Variants in LBH observed in about 807,000 individuals in gnomAD.
LBH encodes LBH regulator of Wnt signaling pathway, also known as protein LBH.
Under a neutral mutation model 12.5 loss-of-function variants are expected in LBH, and 7 were observed. The observed-to-expected ratio is 0.56, with a 90% CI of 0.32 to 1.05. LBH has a LOEUF of 1.05. Among genes scored for constraint, LBH ranks in the 50% least tolerant of loss-of-function variants. The pLI, the probability that LBH is intolerant of heterozygous loss-of-function variation, is 0.04. For missense variants in LBH, 119 were observed against 138.9 expected (o/e 0.86, Z 0.72); for synonymous variants, 51 against 50.1 (o/e 1.02, Z -0.08).
chr2:30,255,573 C>T (rs1484819423), intron 2 of LBH, among the ~76,000 whole-genome samples: 1 of 152,158 alleles, frequency 6.6e-6, no homozygotes, highest in Non-Finnish European at 1.5e-5. Context: ...GGTTAATAAT[C>T]ACTCGTTTGC....
chr2:30,235,441 C>G (rs905551451), intron 2 of LBH, among the ~76,000 whole-genome samples: 2 of 152,286 alleles, frequency 1.3e-5, no homozygotes, highest in African/African-American at 4.8e-5. Context: ...GGTATGCCCA[C>G]TGCACGCCAA....
At position 30,257,945 on chromosome 2, in the gene LBH, G is replaced by A. The variant is rs925039397; in HGVS notation, c.*324G>A. The A allele has an allele frequency of 1.5e-5, 3 of 205,304 alleles. No individual in the cohort carries two copies. Among genetic ancestry groups the A allele is most frequent in the African/African-American group, 7.0e-5 (3 of 42,652 alleles). 12.7% of individuals were successfully genotyped at this position (205,304 alleles called of 1,614,324 possible). A position where few individuals can be genotyped will look rare whatever the true frequency, so the allele number is the denominator to read the frequency against. ...ATCTGAACTCAGGCAGCCTAGTAGA[G>A]GCAGTGGTGGGATTCCAATGGGTCT... On this transcript the variant is annotated 3_prime_UTR_variant, in exon 3 of 3. Coordinates refer to ENST00000395323, the MANE Select transcript of LBH (RefSeq NM_030915.4).
rs768506695 is a variant in LBH at position 30,257,625 on chromosome 2, C to T, written c.*4C>T. ...GAAAGAAAATAAAGAGCAGTAGAGT[C>T]CCTGTGGACTCCCATGGGTCATACC... is the stretch of plus-strand genomic sequence containing the variant. On this transcript the variant is annotated 3_prime_UTR_variant, in exon 3 of 3. Coordinates refer to ENST00000395323, the MANE Select transcript of LBH (RefSeq NM_030915.4). 3.8e-6 allele frequency: 6 copies of T among 1,598,910 alleles called. No homozygotes were observed. The South Asian group carries it at 6.7e-5, about 18-fold the overall frequency.
chr2:30,231,649 C>A lies in LBH; in HGVS notation c.-90C>A. 2 of 1,339,662 alleles carry A rather than the reference C, an allele frequency of 1.5e-6. No homozygotes were observed. The highest frequency in any genetic ancestry group is 1.2e-5 in the South Asian group (1 of 82,624). 83.0% of individuals were successfully genotyped at this position (1,339,662 alleles called of 1,614,324 possible). A position where few individuals can be genotyped will look rare whatever the true frequency, so the allele number is the denominator to read the frequency against. ...CCGGTGTCCGCACTCGGCCGCCTGC[C>A]GTGCCCGTCTGCGCCCGTGTCATCC... is the stretch of plus-strand genomic sequence containing the variant. On this transcript the variant is annotated 5_prime_UTR_variant, in exon 1 of 3. Coordinates refer to ENST00000395323, the MANE Select transcript of LBH (RefSeq NM_030915.4).
chr2:30,257,790 C>CATTTT lies in LBH; in HGVS notation c.*169_*170insATTTT. ...AGTTGGTTTTCTTTTCTTTTCTTGC[C>CATTTT]TTTTTTTTTTTTTGAAATTTGCCGA... On this transcript the variant is annotated 3_prime_UTR_variant, in exon 3 of 3. Coordinates refer to ENST00000395323, the MANE Select transcript of LBH (RefSeq NM_030915.4). 1 of 400,780 alleles carries CATTTT rather than the reference C, an allele frequency of 2.5e-6. No homozygotes were observed. The highest frequency in any genetic ancestry group is 4.3e-5 in the East Asian group (1 of 23,014). The allele number at this position is 400,780 out of a possible 1,614,324, so 24.8% of individuals were successfully genotyped here.
chr2:30,241,545 C>T (rs1356368177), intron 2 of LBH, among the ~76,000 whole-genome samples: 36 of 150,054 alleles, frequency 2.4e-4, no homozygotes, highest in African/African-American at 8.3e-4. Flanking sequence ...CTGCAACCTC[C>T]GCCTCCCAGG....
At chr2:30,255,237 A>G (rs563299950) in intron 2 of LBH, among the ~76,000 whole-genome samples, 2 of 152,330 alleles carry the variant, frequency 1.3e-5, no homozygotes, top group East Asian at 3.9e-4. Flanking sequence ...CTCACAGCCC[A>G]TGGGGGGCTC....
Position 30,257,487 on chromosome 2 carries a change from C to T in LBH, c.184C>T (p.Pro62Ser). The T allele has an allele frequency of 6.2e-7, 1 of 1,614,218 alleles. No homozygotes were observed. Among genetic ancestry groups the T allele is most frequent in the Non-Finnish European group, 8.5e-7 (1 of 1,180,016 alleles). ...DRCCKLKDRL[P>S]SIVVEPTEGE... Reference sequence around the variant, plus strand: ...CTGCTGCAAACTGAAGGACCGTCTGCCCTCCATAGTGGTGGAACCCACAGA... The same window carrying T: ...CTGCTGCAAACTGAAGGACCGTCTGTCCTCCATAGTGGTGGAACCCACAGA... The change falls in exon 3 of 3, where the codon CCC (proline) becomes TCC (serine). Residue 62 changes from proline (P) to serine (S), a missense_variant. Physicochemically the swap from Pro to Ser is moderately conservative, Grantham distance 74 (BLOSUM62 -1). Coordinates refer to ENST00000395323, the MANE Select transcript of LBH (RefSeq NM_030915.4).
intron 2 of LBH, among the ~76,000 whole-genome samples, chr2:30,240,177 G>T (rs993262353): frequency 6.6e-6 from 1 of 152,186 alleles, no homozygotes; most frequent in Non-Finnish European, 1.5e-5. Flanking sequence ...AATGAGCCTG[G>T]ATGATGGATT....
chr2:30,257,671 CTG>C lies in LBH; in HGVS notation c.*54_*55del, dbSNP rs770501293. On this transcript the variant is annotated 3_prime_UTR_variant, in exon 3 of 3. Coordinates refer to ENST00000395323, the MANE Select transcript of LBH (RefSeq NM_030915.4). ...ATACCAGCCAGCATCTGTTCCTGAA[CTG>C]TGTTTTTCCCATCATGACGGAAGAA... The C allele has an allele frequency of 1.2e-5, 16 of 1,373,054 alleles. No individual in the cohort carries two copies. Among genetic ancestry groups the C allele is most frequent in the African/African-American group, 7.3e-5 (5 of 68,458 alleles). The allele number at this position is 1,373,054 out of a possible 1,614,324, so 85.1% of individuals were successfully genotyped here.
chr2:30,257,440 C>CAGACCCGTCAGATT lies in LBH; in HGVS notation c.138_151dup (p.Phe51Ter). The CAGACCCGTCAGATT allele has an allele frequency of 3.7e-6, 6 of 1,614,084 alleles. No individual in the cohort carries two copies. The highest frequency in any genetic ancestry group is 4.2e-6 in the Non-Finnish European group (5 of 1,179,936). On this transcript the variant is annotated frameshift_variant, in exon 3 of 3. Coordinates refer to ENST00000395323, the MANE Select transcript of LBH (RefSeq NM_030915.4). LOFTEE classifies it high-confidence loss of function. Reference sequence around the variant, plus strand: ...GCTCTGCTTTTCTTTCAGATCTTCCCAGACCCGTCAGATTTTGACCGCTGC... The same window carrying CAGACCCGTCAGATT: ...GCTCTGCTTTTCTTTCAGATCTTCCCAGACCCGTCAGATTAGACCCGTCAGATTTTGACCGCTGC...
At chr2:30,241,651 C>T (rs1163459440) in intron 2 of LBH, among the ~76,000 whole-genome samples, 4 of 151,802 alleles carry the variant, frequency 2.6e-5, no homozygotes, top group Admixed American at 6.6e-5. Context: ...TGAGTAGAGA[C>T]GGGGTCTCAC....
chr2:30,239,384 C>T (rs4077488), intron 2 of LBH, among the ~76,000 whole-genome samples: 3,337 of 152,296 alleles, frequency 0.022, 118 homozygotes, highest in African/African-American at 0.076. Context: ...AACGCATCCA[C>T]TCTATCCGCC....
intron 2 of LBH, among the ~76,000 whole-genome samples, chr2:30,257,019 C>T (rs1678097409): frequency 6.6e-6 from 1 of 152,176 alleles, no homozygotes; most frequent in African/African-American, 2.4e-5. Context: ...ATAATTATTC[C>T]GGGAGGTACT....
At position 30,231,639 on chromosome 2, in the gene LBH, G is replaced by C. The variant is rs949330896; in HGVS notation, c.-100G>C. On this transcript the variant is annotated 5_prime_UTR_variant, in exon 1 of 3. Transcript: ENST00000395323. ...CGGCGAGCGCCCGGTGTCCGCACTC[G>C]GCCGCCTGCCGTGCCCGTCTGCGCC... is the stretch of plus-strand genomic sequence containing the variant. The C allele has an allele frequency of 8.0e-6, 10 of 1,256,682 alleles. No homozygotes were observed. In the African/African-American group the frequency reaches 1.1e-4, roughly 13 times the overall value. The allele number at this position is 1,256,682 out of a possible 1,614,324, so 77.8% of individuals were successfully genotyped here. A position where few individuals can be genotyped will look rare whatever the true frequency, so the allele number is the denominator to read the frequency against.
rs1054087920 is a variant in LBH, at chr2:30,258,987, A to C, written c.*1366A>C. 1 of 152,436 alleles carries C rather than the reference A, an allele frequency of 6.6e-6. No individual in the cohort carries two copies. Among genetic ancestry groups the C allele is most frequent in the Admixed American group, 6.6e-5 (1 of 15,266 alleles). The allele number at this position is 152,436 out of a possible 1,614,324, so 9.4% of individuals were successfully genotyped here. A position where few individuals can be genotyped will look rare whatever the true frequency, so the allele number is the denominator to read the frequency against. ...TATGAGAAAGTTGGCCTTTGGACTTAGGATTTCTTATTGTAGCTAAGAGCC... is the reference window on the plus strand; with the variant it reads ...TATGAGAAAGTTGGCCTTTGGACTTCGGATTTCTTATTGTAGCTAAGAGCC... On this transcript the variant is annotated 3_prime_UTR_variant, in exon 3 of 3. Coordinates refer to ENST00000395323, the MANE Select transcript of LBH (RefSeq NM_030915.4).
chr2:30,254,496 C>T (rs1678045076), intron 2 of LBH, among the ~76,000 whole-genome samples: 2 of 152,188 alleles, frequency 1.3e-5, no homozygotes. Context: ...CCATCATCAT[C>T]ATCATTAGAT....
At chr2:30,252,918 G>T (rs1443258902) in intron 2 of LBH, among the ~76,000 whole-genome samples, 2 of 152,208 alleles carry the variant, frequency 1.3e-5, no homozygotes, top group African/African-American at 2.4e-5. Flanking sequence ...ATGCCTCTGA[G>T]AGCTGCAGAG....
chr2:30,235,688 A>G (rs1425506885), intron 2 of LBH, among the ~76,000 whole-genome samples: 2 of 112,476 alleles, frequency 1.8e-5, no homozygotes, highest in Admixed American at 8.7e-5. Context: ...TATTTTGTAA[A>G]TTAAAAAAAA....
Sources: gnomAD v4.1 joint callset for allele counts (sites outside exome capture counted in the v4.1 genomes callset) on GRCh38, gnomAD v4.1.1 for gene constraint, MANE v1.5 for transcripts, NCBI Gene and HGNC (gene_info 2026-07-23, HGNC 2026-07-21) for gene names.